The following CNTN5 variants were observed in gnomAD, a reference collection of about 807,000 sequenced individuals.
The protein encoded by CNTN5 is contactin 5.
CNTN5 carries 77 observed loss-of-function variants against 129.1 expected under a neutral mutation model. The observed-to-expected ratio is 0.60, with a 90% CI of 0.50 to 0.72. CNTN5 has a LOEUF of 0.72. Ranked by LOEUF, CNTN5 falls within the 30% of genes least tolerant of loss-of-function variation. The pLI, the probability that CNTN5 is intolerant of heterozygous loss-of-function variation, is 0.00. For synonymous variants in CNTN5, 509 were observed against 465.6 expected, an observed-to-expected ratio of 1.09 and a Z score of -1.20; for missense variants, 1,478 against 1,328.8, an observed-to-expected ratio of 1.11 and a Z score of -1.75.
At chr11:99,293,595 T>G (rs1285456681) in intron 1 of CNTN5, among the ~76,000 whole-genome samples, 2 of 152,176 alleles carry the variant, frequency 1.3e-5, no homozygotes, top group East Asian at 1.9e-4. Flanking sequence ...TTGTATCTCA[T>G]TGTTCATTAT....
chr11:99,684,269 T>A (rs1485743090), intron 3 of CNTN5, among the ~76,000 whole-genome samples: 1 of 151,926 alleles, frequency 6.6e-6, no homozygotes, highest in African/African-American at 2.4e-5. Context: ...AACCTTTTTC[T>A]AGGTATTCAG....
intron 8 of CNTN5, among the ~76,000 whole-genome samples, chr11:99,976,518 T>G (rs1262210988): frequency 3.3e-5 from 5 of 152,178 alleles, no homozygotes; most frequent in African/African-American, 1.2e-4. Context: ...CTCTGAAATC[T>G]AGGCAGAGGT....
chr11:99,448,073 T>C (rs1429204921), intron 2 of CNTN5, among the ~76,000 whole-genome samples: 1 of 152,136 alleles, frequency 6.6e-6, no homozygotes, highest in Non-Finnish European at 1.5e-5. Flanking sequence ...TGTAGAGTTA[T>C]ATAATAGTAA....
At chr11:99,454,861 C>T (rs1171594957) in intron 2 of CNTN5, among the ~76,000 whole-genome samples, 3 of 151,686 alleles carry the variant, frequency 2.0e-5, no homozygotes, top group Non-Finnish European at 2.9e-5. Flanking sequence ...AAATCACAGT[C>T]TATCTGTGCT....
chr11:99,486,788 G>C (rs117944347), intron 2 of CNTN5, among the ~76,000 whole-genome samples: 2,860 of 152,182 alleles, frequency 0.019, 39 homozygotes, highest in Middle Eastern at 0.061. Flanking sequence ...TTGAAACAGA[G>C]TGCAGAGGTT....
chr11:99,263,515 C>G (rs747241110), intron 1 of CNTN5, among the ~76,000 whole-genome samples: 10 of 151,978 alleles, frequency 6.6e-5, no homozygotes, highest in Non-Finnish European at 1.3e-4. Context: ...GATTATGAGA[C>G]ACATACATTA....
At chr11:99,654,541 A>C (rs1292872041) in intron 3 of CNTN5, among the ~76,000 whole-genome samples, 6 of 152,072 alleles carry the variant, frequency 3.9e-5, no homozygotes, top group Non-Finnish European at 7.4e-5. Context: ...AAAATGATGT[A>C]GGTTTCAATC....
intron 8 of CNTN5, among the ~76,000 whole-genome samples, chr11:99,997,143 T>G (rs547783644): frequency 3.3e-5 from 5 of 152,176 alleles, no homozygotes; most frequent in African/African-American, 1.2e-4. Context: ...TCTTTATTAG[T>G]CTTGCTAGCG....
At chr11:99,548,607 A>G (rs1329067906) in intron 2 of CNTN5, among the ~76,000 whole-genome samples, 1 of 152,210 alleles carries the variant, frequency 6.6e-6, no homozygotes, top group Non-Finnish European at 1.5e-5. Flanking sequence ...TTAGGGAGAC[A>G]TCCTCCGGCT....
At chr11:100,326,981 T>C (rs994366571) in intron 21 of CNTN5, among the ~76,000 whole-genome samples, 4 of 152,184 alleles carry the variant, frequency 2.6e-5, no homozygotes, top group African/African-American at 7.2e-5. Context: ...TGCAGAAGTA[T>C]AGAGACTATA....
chr11:99,210,985 C>T (rs1472658130), intron 1 of CNTN5, among the ~76,000 whole-genome samples: 1 of 152,046 alleles, frequency 6.6e-6, no homozygotes, highest in Non-Finnish European at 1.5e-5. Context: ...TCTAATAGAA[C>T]TATAAAATTC....
chr11:99,139,940 C>G (rs527397094), intron 1 of CNTN5, among the ~76,000 whole-genome samples: 1 of 151,988 alleles, frequency 6.6e-6, no homozygotes, highest in Non-Finnish European at 1.5e-5. Flanking sequence ...AACCTCAGAT[C>G]GATATTAAGT....
At chr11:100,335,767 C>CAAA (rs61237596) in intron 21 of CNTN5, among the ~76,000 whole-genome samples, 1 of 141,534 alleles carries the variant, frequency 7.1e-6, no homozygotes, top group South Asian at 2.2e-4. Context: ...GACTCCATCT[C>CAAA]AAAAAAAAAA....
intron 1 of CNTN5, among the ~76,000 whole-genome samples, chr11:99,095,049 G>A (rs1253341888): frequency 1.3e-5 from 2 of 151,584 alleles, no homozygotes. Context: ...TTGTTACATA[G>A]GTATACACGT....
intron 8 of CNTN5, among the ~76,000 whole-genome samples, chr11:99,990,295 G>T (rs1489159253): frequency 6.6e-6 from 1 of 152,084 alleles, no homozygotes; most frequent in Non-Finnish European, 1.5e-5. Flanking sequence ...TGATTATAGT[G>T]TAAGCCAGCC....
intron 1 of CNTN5, among the ~76,000 whole-genome samples, chr11:99,318,728 G>T (rs1467080483): frequency 1.3e-5 from 2 of 152,034 alleles, no homozygotes; most frequent in African/African-American, 2.4e-5. Flanking sequence ...GAGCAGGTTT[G>T]GTACCAGACA....
intron 1 of CNTN5, among the ~76,000 whole-genome samples, chr11:99,026,608 C>A (rs897885983): frequency 6.6e-6 from 1 of 151,352 alleles, no homozygotes; most frequent in Non-Finnish European, 1.5e-5. Context: ...ATTGTGGAAC[C>A]CTTAGGAAAA....
intron 3 of CNTN5, among the ~76,000 whole-genome samples, chr11:99,659,683 A>C (rs1314824251): frequency 6.6e-6 from 1 of 152,144 alleles, no homozygotes; most frequent in Non-Finnish European, 1.5e-5. Flanking sequence ...TGGAAACCTC[A>C]GTCTTTTTTA....
chr11:99,974,696 G>A (rs771382464), intron 8 of CNTN5, among the ~76,000 whole-genome samples: 6 of 152,198 alleles, frequency 3.9e-5, no homozygotes, highest in Non-Finnish European at 7.3e-5. Context: ...TATAGGGAAT[G>A]TAAGGTTGCC....
Sources: allele counts gnomAD v4.1 joint callset (sites outside exome capture counted in the v4.1 genomes callset), GRCh38; gene constraint gnomAD v4.1.1; transcripts MANE v1.5; gene names NCBI Gene and HGNC (gene_info 2026-07-23, HGNC 2026-07-21).